Variants in DOCK1 observed in about 807,000 individuals in gnomAD.
DOCK1 encodes the protein dedicator of cytokinesis protein 1.
DOCK1 carries 138 observed loss-of-function variants against 262.7 expected under a neutral mutation model. The observed-to-expected ratio is 0.53, with a 90% CI of 0.46 to 0.61. The LOEUF (loss-of-function observed/expected upper bound fraction) is 0.61, where lower values mean the gene tolerates loss of function less well. Among genes scored for constraint, DOCK1 ranks in the 20% least tolerant of loss-of-function variants. The pLI is 0.00. For synonymous variants in DOCK1, 866 were observed against 867.4 expected (o/e 1.00, Z 0.03); for missense variants, 1,908 against 2,370.7 (o/e 0.80, Z 4.05).
chr10:127,247,725 T>C (rs968963215), intron 27 of DOCK1, among the ~76,000 whole-genome samples: 1 of 152,234 alleles, frequency 6.6e-6, no homozygotes, highest in African/African-American at 2.4e-5. Flanking sequence ...TACTGTGTAC[T>C]CATGTCCTCA....
At chr10:127,204,072 G>A (rs1241986115) in intron 27 of DOCK1, among the ~76,000 whole-genome samples, 1 of 152,042 alleles carries the variant, frequency 6.6e-6, no homozygotes, top group Non-Finnish European at 1.5e-5. Context: ...GGCAGTCACA[G>A]CTCCCTGGCA....
chr10:127,146,110 C>G (rs1431579822), intron 27 of DOCK1: 1 of 503,434 alleles, frequency 2.0e-6, no homozygotes, highest in African/African-American at 2.0e-5. Context: ...CTCATCTAAA[C>G]ATGAATTATC....
In DOCK1 at chr10:127,252,646, C is replaced by T. The variant is rs929065159; in HGVS notation, c.2949+4537C>T. On this transcript the variant is annotated intron_variant, in intron 28 of 51. Transcript: ENST00000623213. ...CAGCACCATTTATTAAATAGGGAAT[C>T]CTTTCCCCATTGCTTGTTTTTCTCA... Among the ~76,000 whole-genome samples, 7 of 150,962 alleles carry T rather than the reference C, an allele frequency of 4.6e-5. No individual in the cohort carries two copies. The East Asian group carries it at 1.4e-3, about 30-fold the overall frequency.
intron 22 of DOCK1, among the ~76,000 whole-genome samples, chr10:127,061,120 T>C (rs2045502026): frequency 6.6e-6 from 1 of 152,078 alleles, no homozygotes; most frequent in Admixed American, 6.6e-5. Flanking sequence ...CCCACCTACT[T>C]GGGAGGTTGA....
chr10:127,348,138 G>A (rs981092105), intron 31 of DOCK1, among the ~76,000 whole-genome samples: 8 of 151,450 alleles, frequency 5.3e-5, no homozygotes, highest in African/African-American at 9.7e-5. Context: ...TATGAGATTC[G>A]CCAGTGTACC....
In DOCK1 at chr10:127,448,459, C is replaced by T. The variant is rs115780603; in HGVS notation, c.5565+914C>T. ...CCTGGTTCTCAAGGATGCTGTCAGG[C>T]GTCACTCATCCCTGCGGGTCCCAGC... On this transcript the variant is annotated intron_variant, in intron 51 of 51. Coordinates refer to ENST00000623213, the MANE Select transcript of DOCK1 (RefSeq NM_001290223.2). Among the ~76,000 whole-genome samples the T allele has an allele frequency of 7.9e-3, 1,201 of 152,316 alleles. 16 individuals carry two copies. The highest frequency in any genetic ancestry group is 0.027 in the African/African-American group (1,108 of 41,564).
intron 27 of DOCK1, among the ~76,000 whole-genome samples, chr10:127,142,968 C>G (rs1341477642): frequency 6.6e-6 from 1 of 152,152 alleles, no homozygotes; most frequent in Admixed American, 6.5e-5. Flanking sequence ...CCAGCCTGCA[C>G]CTAAGCTTTA....
chr10:127,424,341 G>T (rs1163078890), intron 46 of DOCK1, among the ~76,000 whole-genome samples: 2 of 152,196 alleles, frequency 1.3e-5, no homozygotes, highest in Non-Finnish European at 2.9e-5. Flanking sequence ...CATCTGACAA[G>T]TACCTTCTTT....
chr10:127,115,071 T>C (rs529154655), intron 25 of DOCK1, among the ~76,000 whole-genome samples: 2 of 152,300 alleles, frequency 1.3e-5, no homozygotes, highest in East Asian at 3.9e-4. Flanking sequence ...TCTTTTCTTA[T>C]CTATATGCCC....
At chr10:127,267,056 CT>C (rs1473557983) in intron 29 of DOCK1, among the ~76,000 whole-genome samples, 3 of 152,194 alleles carry the variant, frequency 2.0e-5, no homozygotes, top group Non-Finnish European at 2.9e-5. Context: ...AGTAATGATG[CT>C]CTGGACCCTC....
At chr10:127,080,644 G>C (rs942335513) in intron 23 of DOCK1, among the ~76,000 whole-genome samples, 5 of 152,114 alleles carry the variant, frequency 3.3e-5, no homozygotes, top group African/African-American at 1.2e-4. Flanking sequence ...TCTAGGAGGA[G>C]GAAGGAAACC....
At chr10:127,344,550 G>T (rs2063551351) in intron 31 of DOCK1, 1 of 152,164 alleles carries the variant, frequency 6.6e-6, no homozygotes, top group East Asian at 1.9e-4. Context: ...TATCTCGACT[G>T]TTCTAAGGCT....
Position 127,175,512 on chromosome 10 carries a change from T to C in DOCK1, c.2847+47748T>C, listed in dbSNP as rs779403804. 11 of 1,609,252 alleles carry C rather than the reference T, an allele frequency of 6.8e-6. No homozygotes were observed. In the South Asian group the frequency reaches 1.1e-4, roughly 16 times the overall value. On this transcript the variant is annotated intron_variant, in intron 27 of 51. Coordinates refer to ENST00000623213, the MANE Select transcript of DOCK1 (RefSeq NM_001290223.2). The surrounding 1 kb of genome is among the most constrained non-coding windows in gnomAD (Gnocchi z 6.3). ...AGTTTCCGAGGGCGCCTGGAGCCCGTTGAGATGTGTGGCTCTCCTCCGCTC... is the reference window on the plus strand; with the variant it reads ...AGTTTCCGAGGGCGCCTGGAGCCCGCTGAGATGTGTGGCTCTCCTCCGCTC...
At chr10:127,272,262 A>G (rs2060595976) in intron 29 of DOCK1, 1 of 152,264 alleles carries the variant, frequency 6.6e-6, no homozygotes, top group Non-Finnish European at 1.5e-5. Flanking sequence ...GAACTCTGAC[A>G]GCTTGATCTT....
chr10:127,230,918 A>G (rs898566749), intron 27 of DOCK1, among the ~76,000 whole-genome samples: 32 of 152,200 alleles, frequency 2.1e-4, no homozygotes, highest in African/African-American at 7.5e-4. Flanking sequence ...ATATTATAGC[A>G]ATGTTAATTC....
chr10:127,342,672 C>A (rs915379994), intron 30 of DOCK1, among the ~76,000 whole-genome samples: 7 of 152,176 alleles, frequency 4.6e-5, no homozygotes, highest in African/African-American at 1.7e-4. Flanking sequence ...TTTTATAGAA[C>A]TCTTTGCAGC....
chr10:127,109,983 G>T (rs932349008), intron 24 of DOCK1, among the ~76,000 whole-genome samples: 1 of 151,920 alleles, frequency 6.6e-6, no homozygotes, highest in Non-Finnish European at 1.5e-5. Context: ...TGGTGTGACT[G>T]TTCTCATTTC....
intron 27 of DOCK1, among the ~76,000 whole-genome samples, chr10:127,247,395 G>T (rs1590107629): frequency 6.6e-6 from 1 of 152,034 alleles, no homozygotes; most frequent in African/African-American, 2.4e-5. Flanking sequence ...TGGAGTTGTG[G>T]TGATTGCCTC....
At chr10:127,047,383 A>G (rs1538788) in intron 21 of DOCK1, among the ~76,000 whole-genome samples, 141,932 of 152,220 alleles carry the variant, frequency 0.93, 66,172 homozygotes, top group African/African-American at 0.95. Context: ...TCCCTTGTAT[A>G]TAATGCTACA....
Sources: allele counts gnomAD v4.1 joint callset (sites outside exome capture counted in the v4.1 genomes callset), GRCh38; gene constraint gnomAD v4.1.1; non-coding constraint Gnocchi (gnomAD v3.1); transcripts MANE v1.5; gene names NCBI Gene and HGNC (gene_info 2026-07-23, HGNC 2026-07-21).